COL5A2: variants seen among roughly 807,000 people sequenced by gnomAD.
The protein encoded by COL5A2 is collagen type V alpha 2 chain.
Under a neutral mutation model 208.2 loss-of-function variants are expected in COL5A2, and 23 were observed. The ratio of observed to expected loss-of-function variants is 0.11; its 90% confidence interval spans 0.08 to 0.16. The LOEUF is 0.16. COL5A2 is among the 10% of genes least tolerant of loss of function. The pLI, the probability that COL5A2 is intolerant of heterozygous loss-of-function variation, is 1.00. For missense variants in COL5A2, 1,590 were observed against 1,956.4 expected (o/e 0.81, Z 3.53); for synonymous variants, 625 against 628.5 (o/e 0.99, Z 0.08).
intron 12 of COL5A2, among the ~76,000 whole-genome samples, chr2:189,082,736 T>C (rs888143038): frequency 2.6e-5 from 4 of 152,188 alleles, no homozygotes; most frequent in Non-Finnish European, 4.4e-5. Context: ...GCACAGTGCA[T>C]CTGTGGTGTG....
intron 6 of COL5A2, among the ~76,000 whole-genome samples, chr2:189,094,854 A>G (rs971401479): frequency 1.3e-5 from 2 of 150,968 alleles, no homozygotes; most frequent in Non-Finnish European, 3.0e-5. Flanking sequence ...CATGAAAATC[A>G]TTGGCTAATC....
the COL5A2 span, among the ~76,000 whole-genome samples, chr2:189,297,244 T>G: frequency 6.6e-6 from 1 of 152,226 alleles, no homozygotes; most frequent in African/African-American, 2.4e-5. Context: ...GAAACCAGAC[T>G]GCACCTCTGA....
upstream of COL5A2, among the ~76,000 whole-genome samples, chr2:189,226,144 G>A (rs186632242): frequency 6.6e-6 from 1 of 152,230 alleles, no homozygotes; most frequent in African/African-American, 2.4e-5. Flanking sequence ...CTGTCATTAT[G>A]TCTACATCTC....
At chr2:189,274,500 T>C in the COL5A2 span, among the ~76,000 whole-genome samples, 2 of 152,150 alleles carry the variant, frequency 1.3e-5, no homozygotes, top group Non-Finnish European at 2.9e-5. Flanking sequence ...CAGCCTGAAT[T>C]GTCCCACCCT....
At chr2:189,123,978 T>G (rs1687559872) in intron 1 of COL5A2, among the ~76,000 whole-genome samples, 1 of 152,140 alleles carries the variant, frequency 6.6e-6, no homozygotes, top group African/African-American at 2.4e-5. Flanking sequence ...ACAAAAGTCT[T>G]AAGTCACACT....
At chr2:189,183,072 C>T (rs1688804041), upstream of COL5A2, among the ~76,000 whole-genome samples, 1 of 152,046 alleles carries the variant, frequency 6.6e-6, no homozygotes, top group Non-Finnish European at 1.5e-5. Flanking sequence ...TCTCTTTTTC[C>T]CTTCCATTCC....
At chr2:189,054,727 C>T (rs1447804107) in intron 35 of COL5A2, among the ~76,000 whole-genome samples, 10 of 136,656 alleles carry the variant, frequency 7.3e-5, no homozygotes, top group African/African-American at 2.7e-4. Flanking sequence ...AGGGTCTCCA[C>T]TCTACATTGC....
At chr2:189,342,065 G>T in the COL5A2 span, among the ~76,000 whole-genome samples, 1 of 151,770 alleles carries the variant, frequency 6.6e-6, no homozygotes, top group Admixed American at 6.6e-5. Context: ...ACAAAATAAT[G>T]TACTATTTCT....
At chr2:189,231,883 G>A in the COL5A2 span, among the ~76,000 whole-genome samples, 1 of 151,696 alleles carries the variant, frequency 6.6e-6, no homozygotes, top group African/African-American at 2.4e-5. Flanking sequence ...GCCTTTCTCA[G>A]ATCTTCCTGG....
chr2:189,402,083 T>A, the COL5A2 span, among the ~76,000 whole-genome samples: 2 of 152,216 alleles, frequency 1.3e-5, no homozygotes, highest in Admixed American at 6.5e-5. Flanking sequence ...AGATCCCACA[T>A]GTCAATTTTT....
chr2:189,066,332 G>T, intron 23 of COL5A2, 58 bp downstream of exon 23: 4 of 1,465,212 alleles, frequency 2.7e-6, no homozygotes, highest in Non-Finnish European at 3.8e-6. Context: ...ACTGTTCTCA[G>T]ACTTACACAC....
At chr2:189,074,463 CACTGA>C (rs1686352244) in intron 17 of COL5A2, among the ~76,000 whole-genome samples, 1 of 152,124 alleles carries the variant, frequency 6.6e-6, no homozygotes, top group African/African-American at 2.4e-5. Flanking sequence ...TATTGGTACA[CACTGA>C]GACCTCATCA....
chr2:189,045,749 A>G (rs1685652634), intron 46 of COL5A2, 51 bp downstream of exon 46: 1 of 1,392,078 alleles, frequency 7.2e-7, no homozygotes, highest in Non-Finnish European at 1.0e-6. Context: ...AGCTTATAAC[A>G]TAGCATATGG....
intron 50 of COL5A2, among the ~76,000 whole-genome samples, chr2:189,039,807 A>T (rs956319051): frequency 1.8e-4 from 27 of 152,224 alleles, no homozygotes; most frequent in African/African-American, 6.3e-4. Context: ...AGATAAATAA[A>T]GATCAAAGCA....
chr2:189,032,755 G>A lies in COL5A2; in HGVS notation c.*1315C>T, dbSNP rs933800135. Reference sequence around the variant, plus strand: ...CCAGATACAGTATGACAGAGGAACAGTGAACAAGCATTGGAACGATGCTCT... The same window carrying A: ...CCAGATACAGTATGACAGAGGAACAATGAACAAGCATTGGAACGATGCTCT... On this transcript the variant is annotated 3_prime_UTR_variant, in exon 54 of 54. Coordinates refer to ENST00000374866, the MANE Select transcript of COL5A2 (RefSeq NM_000393.5). 2 of 152,582 alleles carry A rather than the reference G, an allele frequency of 1.3e-5. No individual in the cohort carries two copies. Among genetic ancestry groups the A allele is most frequent in the Admixed American group, 6.6e-5 (1 of 15,252 alleles). 9.5% of individuals were successfully genotyped at this position (152,582 alleles called of 1,614,324 possible). A position where few individuals can be genotyped will look rare whatever the true frequency, so the allele number is the denominator to read the frequency against.
At chr2:189,171,574 C>T (rs529762300) in intron 1 of COL5A2, among the ~76,000 whole-genome samples, 20 of 152,214 alleles carry the variant, frequency 1.3e-4, no homozygotes, top group African/African-American at 4.8e-4. Flanking sequence ...ACTGAATGAC[C>T]GGGTAGCATC....
intron 30 of COL5A2, among the ~76,000 whole-genome samples, chr2:189,061,012 C>T (rs529096316): frequency 4.6e-5 from 7 of 152,100 alleles, no homozygotes; most frequent in East Asian, 3.9e-4. Flanking sequence ...CATCTGCACA[C>T]CACTTAGCAA....
the COL5A2 span, among the ~76,000 whole-genome samples, chr2:189,359,807 T>G: frequency 6.6e-6 from 1 of 152,168 alleles, no homozygotes; most frequent in Non-Finnish European, 1.5e-5. Context: ...AGGTTCTATA[T>G]GTCCAGGAAT....
intron 1 of COL5A2, among the ~76,000 whole-genome samples, chr2:189,122,969 A>T (rs1687536419): frequency 6.7e-6 from 1 of 149,990 alleles, no homozygotes; most frequent in African/African-American, 2.4e-5. Flanking sequence ...AAAGTATTTA[A>T]TTTTTTTTTT....
Sources: allele counts gnomAD v4.1 joint callset (sites outside exome capture counted in the v4.1 genomes callset), GRCh38; gene constraint gnomAD v4.1.1; transcripts MANE v1.5; gene names NCBI Gene and HGNC (gene_info 2026-07-23, HGNC 2026-07-21).